TOP2B: variants seen among roughly 807,000 people sequenced by gnomAD.
The protein encoded by TOP2B is DNA topoisomerase 2-beta.
TOP2B carries 51 observed loss-of-function variants against 193.5 expected under a neutral mutation model. The ratio of observed to expected loss-of-function variants is 0.26; its 90% CI spans 0.21 to 0.33. The LOEUF (loss-of-function observed/expected upper bound fraction) is 0.33, where lower values mean the gene tolerates loss of function less well. TOP2B is among the 10% of genes least tolerant of loss of function. The pLI is 1.00. For synonymous variants in TOP2B, 634 were observed against 635.7 expected (o/e 1.00, Z 0.04); for missense variants, 1,378 against 1,909.3 (o/e 0.72, Z 5.19).
chr3:25,615,318 C>T (rs775054145), intron 26 of TOP2B, 30 bp from the exon 27 acceptor site: 7 of 1,585,096 alleles, frequency 4.4e-6, no homozygotes, highest in Non-Finnish European at 6.0e-6. Context: ...TTTAAACATT[C>T]AATAGTTTTA....
At chr3:25,625,989 T>C (rs899274502) in intron 18 of TOP2B, among the ~76,000 whole-genome samples, 3 of 151,858 alleles carry the variant, frequency 2.0e-5, no homozygotes, top group East Asian at 1.9e-4. Flanking sequence ...ACTTGAGGGA[T>C]AGGTAGAAAC....
At position 25,646,937 on chromosome 3, in the gene TOP2B, AT is replaced by A. The variant is rs548739894; in HGVS notation, c.70-1468del. Among the ~76,000 whole-genome samples the A allele has an allele frequency of 1.8e-3, 267 of 152,310 alleles. 2 individuals are homozygous for A. Among genetic ancestry groups the A allele is most frequent in the African/African-American group, 6.2e-3 (259 of 41,586 alleles). On this transcript the variant is annotated intron_variant, in intron 1 of 35. Coordinates refer to ENST00000264331, the MANE Select transcript of TOP2B (RefSeq NM_001330700.2). ...ATATTTCAAAATAAAAGTATTAAAAATAACTCATTTTACTAGATTTTAAACT... is the reference window on the plus strand; with the variant it reads ...ATATTTCAAAATAAAAGTATTAAAAAAACTCATTTTACTAGATTTTAAACT...
At chr3:25,654,750 A>G (rs1030728866) in intron 1 of TOP2B, among the ~76,000 whole-genome samples, 11 of 152,180 alleles carry the variant, frequency 7.2e-5, no homozygotes, top group Non-Finnish European at 1.6e-4. Flanking sequence ...AAGAGAGAGC[A>G]CAGAAATAAA....
intron 33 of TOP2B, among the ~76,000 whole-genome samples, chr3:25,602,405 AAAAAG>A (rs1282751247): frequency 0.012 from 1,477 of 119,644 alleles, 65 homozygotes; most frequent in African/African-American, 0.069. Flanking sequence ...TCAAAAAAAA[AAAAAG>A]AAAAAGAAAA....
chr3:25,636,720 G>A (rs1703117165), intron 6 of TOP2B, among the ~76,000 whole-genome samples: 1 of 151,952 alleles, frequency 6.6e-6, no homozygotes. Flanking sequence ...AAATAAACAT[G>A]CATGATGCTT....
At chr3:25,606,295 T>C (rs983652546) in intron 31 of TOP2B, among the ~76,000 whole-genome samples, 173 bp from the exon 32 acceptor site, 8 of 152,144 alleles carry the variant, frequency 5.3e-5, no homozygotes, top group African/African-American at 1.9e-4. Flanking sequence ...TTCTCTCTTA[T>C]GTGTAAAAGT....
At position 25,620,800 on chromosome 3, in the gene TOP2B, T is replaced by A; in HGVS notation, c.2744A>T (p.Asn915Ile). The A allele has an allele frequency of 1.2e-6, 2 of 1,613,356 alleles. No individual in the cohort carries two copies. The highest frequency in any genetic ancestry group is 1.7e-6 in the Non-Finnish European group (2 of 1,179,550). ...AAGTTCTTGAATCGTGCCTTTAAAGTTTTTGTAGTTTGGAAGCTGTAGAGA... is the reference window on the plus strand; with the variant it reads ...AAGTTCTTGAATCGTGCCTTTAAAGATTTTGTAGTTTGGAAGCTGTAGAGA... ...DPHPMLPNYK[N>I]FKGTIQELGQ... The change falls in exon 22 of 36, where the codon AAC becomes ATC. Residue 915 changes from asparagine to isoleucine, a missense_variant. By Grantham distance (149) the Asn-to-Ile change is moderately radical. Coordinates refer to ENST00000264331, the MANE Select transcript of TOP2B (RefSeq NM_001330700.2).
chr3:25,615,364 GGAAAAA>G (rs1446519318), intron 26 of TOP2B, 61 bp downstream of exon 26: 4 of 1,541,682 alleles, frequency 2.6e-6, no homozygotes, highest in Non-Finnish European at 3.5e-6. Context: ...ACTTATTTTT[GGAAAAA>G]GAAAAAGATA....
At chr3:25,628,172 A>AT (rs555780243) in intron 15 of TOP2B, among the ~76,000 whole-genome samples, 1 of 60,522 alleles carries the variant, frequency 1.7e-5, no homozygotes, top group Non-Finnish European at 3.3e-5. Flanking sequence ...AACATTATTT[A>AT]AAAAAAAAAA....
intron 33 of TOP2B, among the ~76,000 whole-genome samples, chr3:25,604,125 G>C (rs1233667074): frequency 6.6e-6 from 1 of 152,076 alleles, no homozygotes; most frequent in Non-Finnish European, 1.5e-5. Flanking sequence ...TGTCTGTTGT[G>C]AATTTTTAAA....
rs1368370246 is a variant in TOP2B at position 25,664,258 on chromosome 3, C to T, written c.40G>A (p.Gly14Ser). 7 of 1,537,578 alleles carry T rather than the reference C, an allele frequency of 4.6e-6. No individual in the cohort carries two copies. Among genetic ancestry groups the T allele is most frequent in the Non-Finnish European group, 6.1e-6 (7 of 1,145,882 alleles). The stretch of plus-strand genomic sequence containing the variant: ...CAGGTCAGTGCCCCGTTGCCGCCGC[C>T]CACGCCGGCTCCCGCGCCGCAGCCA... Reference protein sequence around the residue: ...SGGCGAGAGVGGGNGALTWVT... With the variant: ...SGGCGAGAGVSGGNGALTWVT... Residue 14 changes from glycine (G) to serine (S), a missense_variant, in exon 1 of 36, where the codon GGC becomes AGC. Gly to Ser is a moderately conservative substitution (Grantham distance 56). Around this residue, in one of 9 missense-constraint regions of TOP2B, gnomAD observed 83 missense variants for 59.3 expected, o/e 1.40. Coordinates refer to ENST00000264331, the MANE Select transcript of TOP2B (RefSeq NM_001330700.2).
chr3:25,638,073 C>T, intron 5 of TOP2B, 92 bp downstream of exon 5: 1 of 1,159,920 alleles, frequency 8.6e-7, no homozygotes, highest in Non-Finnish European at 1.2e-6. Flanking sequence ...CAATGATTTT[C>T]TCACACCAAA....
intron 31 of TOP2B, among the ~76,000 whole-genome samples, chr3:25,606,595 T>C (rs1053003798): frequency 6.6e-6 from 1 of 152,134 alleles, no homozygotes; most frequent in African/African-American, 2.4e-5. Flanking sequence ...TGGGCAATTA[T>C]TTCAGGATCT....
chr3:25,642,522 C>A (rs775927899), intron 3 of TOP2B, 137 bp from the exon 4 acceptor site: 3 of 470,822 alleles, frequency 6.4e-6, no homozygotes, highest in Non-Finnish European at 1.1e-5. Context: ...CTATTAACTT[C>A]TCATATAAAA....
chr3:25,664,330 C>T lies in TOP2B; in HGVS notation c.-33G>A, dbSNP rs1239371459. ...GCCTCCAGCTCACAGGCCCTGAGGC[C>T]GCAGCCGCCGCTCCCGCCTCCCTGC... On this transcript the variant is annotated 5_prime_UTR_variant, in exon 1 of 36. Transcript: ENST00000264331. 4.2e-6 allele frequency: 6 copies of T among 1,441,276 alleles called. No individual in the cohort carries two copies. Among genetic ancestry groups the T allele is most frequent in the Non-Finnish European group, 4.5e-6 (5 of 1,105,890 alleles). The allele number at this position is 1,441,276 out of a possible 1,614,324, so 89.3% of individuals were successfully genotyped here. A position where few individuals can be genotyped will look rare whatever the true frequency, so the allele number is the denominator to read the frequency against.
At chr3:25,604,725 TC>T in intron 33 of TOP2B, 34 bp downstream of exon 33, 1 of 1,447,036 alleles carries the variant, frequency 6.9e-7, no homozygotes, top group East Asian at 2.3e-5. Context: ...ACTATCTCTA[TC>T]CAATGCTTAA....
intron 4 of TOP2B, among the ~76,000 whole-genome samples, chr3:25,640,224 T>C (rs891854757): frequency 6.6e-6 from 1 of 152,156 alleles, no homozygotes; most frequent in African/African-American, 2.4e-5. Context: ...AGACAAAATG[T>C]TATAGTTAAA....
Position 25,624,382 on chromosome 3 carries a change from A to G in TOP2B, c.2410T>C (p.Leu804=). 1 of 1,613,968 alleles carries G rather than the reference A, an allele frequency of 6.2e-7. No homozygotes were observed. Among genetic ancestry groups the G allele is most frequent in the Non-Finnish European group, 8.5e-7 (1 of 1,179,852 alleles). ...QNFVGSNNIN[L]LQPIGQFGTR... is the part of the protein sequence containing the mutation. ...CCAAACTGACCAATAGGCTGAAGCA[A>G]GTTAATGTTGTTACTTCCCACAAAG... Residue 804 remains leucine (L), a synonymous_variant, in exon 20 of 36, where the codon TTG becomes CTG. Coordinates refer to ENST00000264331, the MANE Select transcript of TOP2B (RefSeq NM_001330700.2).
chr3:25,602,264 G>C (rs1028174746), intron 33 of TOP2B, among the ~76,000 whole-genome samples: 7 of 151,980 alleles, frequency 4.6e-5, no homozygotes, highest in African/African-American at 1.7e-4. Flanking sequence ...CAGTGAGGTG[G>C]CGTGTGCCTG....
Sources: gnomAD v4.1 joint callset for allele counts (sites outside exome capture counted in the v4.1 genomes callset) on GRCh38, gnomAD v4.1.1 for gene constraint, gnomAD v4.1.1 regional missense constraint, MANE v1.5 for transcripts, NCBI Gene and HGNC (gene_info 2026-07-23, HGNC 2026-07-21) for gene names.